MUC5B: variants seen among roughly 807,000 people sequenced by gnomAD.
The protein encoded by MUC5B is mucin-5B.
In MUC5B, 116 loss-of-function variants were observed where a neutral mutation model predicts 376.9. That is an observed-to-expected ratio of 0.31 (90% confidence interval 0.26 to 0.36). The LOEUF is 0.36. Among genes scored for constraint, MUC5B ranks in the 10% least tolerant of loss-of-function variants. The pLI is 1.00. For missense variants in MUC5B, 7,165 were observed against 7,769.9 expected (o/e 0.92, Z 2.93); for synonymous variants, 3,517 against 3,390.9 (o/e 1.04, Z -1.29).
At position 1,260,007 on chromosome 11, in the gene MUC5B, G is replaced by C. The variant is rs779385656; in HGVS notation, c.16845G>C (p.Val5615=). 5 of 1,612,962 alleles carry C rather than the reference G, an allele frequency of 3.1e-6. No homozygotes were observed. Among genetic ancestry groups the C allele is most frequent in the Non-Finnish European group, 4.2e-6 (5 of 1,179,774 alleles). ...ACAGCCATGTGGACAACTGCACCGT[G>C]TACCTCTGTGAGGCTGAGGGTGGAG... ...WVNSHVDNCT[V]YLCEAEGGVH... Residue 5615 remains valine (V), a synonymous_variant, in exon 46 of 49, where the codon GTG becomes GTC. Transcript: ENST00000529681.
In MUC5B at chr11:1,251,216, A is replaced by G. The variant is rs1480620976; in HGVS notation, c.14336A>G (p.His4779Arg). ...CCCATGTCCACCATGTCCACAATCCACACCTCCTCTACTCCAGAGACCACC... is the reference window on the plus strand; with the variant it reads ...CCCATGTCCACCATGTCCACAATCCGCACCTCCTCTACTCCAGAGACCACC... ...TTPMSTMSTIHTSSTPETTHT... is the reference protein window; with the variant it reads ...TTPMSTMSTIRTSSTPETTHT... Residue 4779 changes from histidine (H) to arginine (R), a missense_variant, in exon 31 of 49, where the codon CAC becomes CGC. His to Arg is a conservative substitution (Grantham distance 29). Transcript: ENST00000529681. 4 of 1,606,054 alleles carry G rather than the reference A, an allele frequency of 2.5e-6. No individual in the cohort carries two copies. The Admixed American group carries it at 6.7e-5, about 27-fold the overall frequency.
In MUC5B at chr11:1,246,587, G is replaced by A; in HGVS notation, c.9707G>A (p.Ser3236Asn). 6.2e-7 allele frequency: 1 copy of A among 1,612,928 alleles called. No homozygotes were observed. Among genetic ancestry groups the A allele is most frequent in the Non-Finnish European group, 8.5e-7 (1 of 1,179,580 alleles). Residue 3236 changes from serine (S) to asparagine (N), a missense_variant, in exon 31 of 49, where the codon AGC becomes AAC. Physicochemically the swap from Ser to Asn is conservative, Grantham distance 46. Transcript: ENST00000529681. ...ACAGCCACCACACCCACAGCTACCA[G>A]CGTTACAGCCATCCCCTCTTCCTCC... ...RSTATTPTAT[S>N]VTAIPSSSLG...
Position 1,243,710 on chromosome 11 carries a change from C to G in MUC5B, c.6830C>G (p.Thr2277Arg), listed in dbSNP as rs71469858. ...GGGACGACCACCCCGGGCCACACCA[C>G]GGCCACCTCCAGGACCACAGCCACG... ...SPGTTTPGHT[T>R]ATSRTTATAT... Residue 2277 changes from threonine to arginine, a missense_variant, in exon 31 of 49, where the codon ACG becomes AGG. This residue lies in a region of MUC5B where 79 missense variants were observed against 63.0 expected (regional missense o/e 1.25). Coordinates refer to ENST00000529681, the MANE Select transcript of MUC5B (RefSeq NM_002458.3). 1.9e-4 allele frequency: 299 copies of G among 1,610,322 alleles called. 3 individuals carry two copies. Among genetic ancestry groups the G allele is most frequent in the Middle Eastern group, 1.1e-3 (5 of 4,488 alleles).
In MUC5B at chr11:1,251,283, G is replaced by A. The variant is rs1300385045; in HGVS notation, c.14403G>A (p.Arg4801=). 3 of 1,610,166 alleles carry A rather than the reference G, an allele frequency of 1.9e-6. No individual in the cohort carries two copies. Among genetic ancestry groups the A allele is most frequent in the Middle Eastern group, 1.7e-4 (1 of 6,060 alleles). ...TVLTTTATMT[R]ATNSTATPSS... ...TGACCACCACAGCCACCATGACAAG[G>A]GCCACCAATTCCACGGCCACACCCT... Residue 4801 remains arginine, a synonymous_variant, in exon 31 of 49, where the codon AGG becomes AGA. Transcript: ENST00000529681.
At position 1,260,053 on chromosome 11, in the gene MUC5B, C is replaced by T; in HGVS notation, c.16891C>T (p.Pro5631Ser). Residue 5631 changes from proline (P) to serine (S), a missense_variant, in exon 46 of 49, where the codon CCT becomes TCT. Physicochemically the swap from Pro to Ser is moderately conservative, Grantham distance 74. This residue lies in a region of MUC5B where 842 missense variants were observed against 1,016.9 expected (regional missense o/e 0.83). Coordinates refer to ENST00000529681, the MANE Select transcript of MUC5B (RefSeq NM_002458.3). ...TGGAGTCCATTTGCTGACCCCACAGCCTGCATCCTGCCCAGATGTGTCCAG... is the reference window on the plus strand; with the variant it reads ...TGGAGTCCATTTGCTGACCCCACAGTCTGCATCCTGCCCAGATGTGTCCAG... ...EGGVHLLTPQ[P>S]ASCPDVSSCR... 6.2e-7 allele frequency: 1 copy of T among 1,612,698 alleles called. No homozygotes were observed. The highest frequency in any genetic ancestry group is 8.5e-7 in the Non-Finnish European group (1 of 1,179,758).
In MUC5B at chr11:1,254,626, G is replaced by T. The variant is rs56104415; in HGVS notation, c.15478-68G>T. 1.4e-3 allele frequency: 2,044 copies of T among 1,489,826 alleles called. 18 individuals carry two copies. The African/African-American group carries it at 0.025, about 18-fold the overall frequency. 92.3% of individuals were successfully genotyped at this position (1,489,826 alleles called of 1,614,324 possible). The stretch of plus-strand genomic sequence containing the variant: ...CTGCACATGGAGGCAGAGCCCCAAA[G>T]AGAAGCCCTGCTCCCCGAGCCCACC... On this transcript the variant is annotated intron_variant, in intron 34 of 48. Transcript: ENST00000529681.
At chr11:1,233,352 C>T (rs548850620) in intron 18 of MUC5B, 84 bp downstream of exon 18, 6 of 1,406,492 alleles carry the variant, frequency 4.3e-6, no homozygotes, top group East Asian at 2.5e-5. Context: ...GTGCCTCCCC[C>T]CGAGGGTTCT....
Position 1,247,239 on chromosome 11 carries a change from C to G in MUC5B, c.10359C>G (p.Thr3453=), listed in dbSNP as rs1319411089. 2.6e-5 allele frequency: 42 copies of G among 1,612,484 alleles called. 1 individual carries two copies. Among genetic ancestry groups the G allele is most frequent in the Non-Finnish European group, 3.4e-5 (40 of 1,179,568 alleles). ...CCCCAGTGCCGAACACCACGGCCACCACACACGGGCGGTCCCTGCCCCCCA... is the reference window on the plus strand; with the variant it reads ...CCCCAGTGCCGAACACCACGGCCACGACACACGGGCGGTCCCTGCCCCCCA... ...HTPPVPNTTA[T]THGRSLPPSS... is the part of the protein sequence containing the mutation. The change falls in exon 31 of 49, where the codon ACC becomes ACG. Residue 3453 remains threonine (T), a synonymous_variant. Coordinates refer to ENST00000529681, the MANE Select transcript of MUC5B (RefSeq NM_002458.3).
chr11:1,252,559 G>A (rs193123783), intron 32 of MUC5B, 35 bp downstream of exon 32: 12 of 1,490,924 alleles, frequency 8.0e-6, no homozygotes, highest in East Asian at 4.8e-5. Context: ...CCCGTGCTGC[G>A]TGCACACGGT....
chr11:1,250,126 G>A lies in MUC5B; in HGVS notation c.13246G>A (p.Gly4416Arg). 1 of 1,595,514 alleles carries A rather than the reference G, an allele frequency of 6.3e-7. No homozygotes were observed. The highest frequency in any genetic ancestry group is 1.7e-4 in the Middle Eastern group (1 of 6,010). Residue 4416 changes from glycine to arginine, a missense_variant, in exon 31 of 49, where the codon GGG (glycine) becomes AGG (arginine). Physicochemically the swap from Gly to Arg is moderately radical, Grantham distance 125 (BLOSUM62 -2). This residue lies in a region of MUC5B where 431 missense variants were observed against 390.4 expected (regional missense o/e 1.10). Transcript: ENST00000529681. ...CACGGCCACCCCGTCCTCCACCCCA[G>A]GGACCACCTGGATCCTCACAGAGCT... The part of the protein sequence containing the change: ...GPTATPSSTP[G>R]TTWILTELTT...
In MUC5B at chr11:1,251,008, A is replaced by T; in HGVS notation, c.14128A>T (p.Thr4710Ser). 5.0e-6 allele frequency: 8 copies of T among 1,610,204 alleles called. No individual in the cohort carries two copies. The East Asian group carries it at 1.8e-4, about 36-fold the overall frequency. ...GACAACACCCATCACCCCAGTGCTG[A>T]CCAGCACGGCCACCACACCCGCAGC... is the stretch of plus-strand genomic sequence containing the variant. ...PGTTPITPVL[T>S]STATTPAATS... Residue 4710 changes from threonine (T) to serine (S), a missense_variant, in exon 31 of 49, where the codon ACC becomes TCC. Physicochemically the swap from Thr to Ser is moderately conservative, Grantham distance 58. This residue lies in a region of MUC5B where 730 missense variants were observed against 592.7 expected (regional missense o/e 1.23). Coordinates refer to ENST00000529681, the MANE Select transcript of MUC5B (RefSeq NM_002458.3).
rs1028848626 is a variant in MUC5B, at chr11:1,234,144, G to A, written c.2378-61G>A. 1.5e-6 allele frequency: 2 copies of A among 1,366,670 alleles called. No individual in the cohort carries two copies. The highest frequency in any genetic ancestry group is 1.4e-5 in the African/African-American group (1 of 69,658). 84.7% of individuals were successfully genotyped at this position (1,366,670 alleles called of 1,614,324 possible). ...GCAGGACAGGCTCAGGGCTGCCTGG[G>A]GTCAGTTGAGGGCCGTGGCTGCCCT... is the stretch of plus-strand genomic sequence containing the variant. On this transcript the variant is annotated intron_variant, in intron 19 of 48. Transcript: ENST00000529681. The surrounding 1 kb of genome is among the most constrained non-coding windows in gnomAD (Gnocchi z 6.3).
At chr11:1,229,598 C>T in intron 9 of MUC5B, 92 bp from the exon 10 acceptor site, 1 of 1,174,724 alleles carries the variant, frequency 8.5e-7, no homozygotes, top group Non-Finnish European at 1.2e-6. Flanking sequence ...GAATTCCTCC[C>T]CAAGGGAGGC....
chr11:1,229,580 TG>T, intron 9 of MUC5B, 109 bp from the exon 10 acceptor site: 1 of 1,011,722 alleles, frequency 9.9e-7, no homozygotes, highest in Non-Finnish European at 1.5e-6. Flanking sequence ...GGCGGTGTCC[TG>T]GAGCAGGAAT....
At position 1,227,774 on chromosome 11, in the gene MUC5B, C is replaced by T. The variant is rs781471890; in HGVS notation, c.767C>T (p.Thr256Met). The change falls in exon 7 of 49, where the codon ACG becomes ATG. Residue 256 changes from threonine (T) to methionine (M), a missense_variant. Transcript: ENST00000529681. ...CTGCCCTTGCCGGCCGGCAACTGCA[C>T]GGACGAGGTGAGTCCCCCGCCACCC... The part of the protein sequence containing the change: ...DPLPLPAGNC[T>M]DEEGICHRTL... 1.1e-5 allele frequency: 8 copies of T among 715,430 alleles called. No homozygotes were observed. The highest frequency in any genetic ancestry group is 1.8e-5 in the Non-Finnish European group (7 of 383,702). The allele number at this position is 715,430 out of a possible 1,614,324, so 44.3% of individuals were successfully genotyped here. A position where few individuals can be genotyped will look rare whatever the true frequency, so the allele number is the denominator to read the frequency against.
Position 1,253,002 on chromosome 11 carries a change from G to A in MUC5B, c.15217+22G>A. 1 of 1,612,278 alleles carries A rather than the reference G, an allele frequency of 6.2e-7. No individual in the cohort carries two copies. The highest frequency in any genetic ancestry group is 1.1e-5 in the South Asian group (1 of 91,050). The stretch of plus-strand genomic sequence containing the variant: ...GAGTGTGAGTGCGTCGGTGGCCGCG[G>A]GATTACCCCGGGGGCAGGTGGAGCA... On this transcript the variant is annotated intron_variant, in intron 33 of 48. Transcript: ENST00000529681. This position sits in a 1 kb window ranked among gnomAD's most constrained non-coding sequence, Gnocchi z 4.3.
At chr11:1,231,639 AGGCAGAGGCG>A (rs1862031482) in intron 14 of MUC5B, 79 bp downstream of exon 14, 2 of 1,452,086 alleles carry the variant, frequency 1.4e-6, no homozygotes, top group African/African-American at 1.4e-5. Flanking sequence ...AGGGAGGGGC[AGGCAGAGGCG>A]GGCAGGGGAC....
Position 1,254,239 on chromosome 11 carries a change from C to A in MUC5B, c.15365C>A (p.Thr5122Lys). 2 of 1,612,542 alleles carry A rather than the reference C, an allele frequency of 1.2e-6. No homozygotes were observed. The highest frequency in any genetic ancestry group is 1.7e-6 in the Non-Finnish European group (2 of 1,179,866). The change falls in exon 34 of 49, where the codon ACG (threonine) becomes AAG (lysine). Residue 5122 changes from threonine to lysine, a missense_variant. Physicochemically the swap from Thr to Lys is moderately conservative, Grantham distance 78. Transcript: ENST00000529681. ...LSLYLDNHYC[T>K]ASATAAAARC... ...CTCTACCTGGACAACCACTACTGCACGGCCTCTGCCACTGCCGCTGCCGCC... is the reference window on the plus strand; with the variant it reads ...CTCTACCTGGACAACCACTACTGCAAGGCCTCTGCCACTGCCGCTGCCGCC...
chr11:1,231,405 C>G lies in MUC5B; in HGVS notation c.1541-18C>G, dbSNP rs776361485. The G allele has an allele frequency of 5.0e-6, 8 of 1,601,278 alleles. No homozygotes were observed. Among genetic ancestry groups the G allele is most frequent in the Non-Finnish European group, 6.8e-6 (8 of 1,173,236 alleles). On this transcript the variant is annotated intron_variant, in intron 13 of 48. Transcript: ENST00000529681. The stretch of plus-strand genomic sequence containing the variant: ...GTCCCTGCACCCCTGACCGGCCTCT[C>G]CCCCACACTCCCGGCAGCCAACATC...
Sources: allele counts gnomAD v4.1 joint callset, GRCh38; gene constraint gnomAD v4.1.1; regional missense constraint gnomAD v4.1.1; non-coding constraint Gnocchi (gnomAD v3.1); transcripts MANE v1.5; gene names NCBI Gene and HGNC (gene_info 2026-07-23, HGNC 2026-07-21).